Variants in SLC27A4 observed in about 807,000 individuals in gnomAD.
SLC27A4 encodes the protein solute carrier family 27 member 4, also known as long-chain fatty acid transport protein 4.
A neutral mutation model predicts 64.4 loss-of-function variants in SLC27A4; 33 were observed. The observed-to-expected ratio is 0.51, with a 90% CI of 0.39 to 0.68. The LOEUF (loss-of-function observed/expected upper bound fraction) is 0.68. Ranked by LOEUF, SLC27A4 falls within the 30% of genes least tolerant of loss-of-function variation. SLC27A4 has a pLI of 0.00. For missense variants in SLC27A4, 824 were observed against 883.5 expected, an observed-to-expected ratio of 0.93 and a Z score of 0.85; for synonymous variants, 377 against 370.0, an observed-to-expected ratio of 1.02 and a Z score of -0.22.
chr9:128,348,876 G>A (rs914594626), intron 4 of SLC27A4, among the ~76,000 whole-genome samples, 173 bp downstream of exon 4: 1 of 152,180 alleles, frequency 6.6e-6, no homozygotes, highest in African/African-American at 2.4e-5. Context: ...CCACTCCAGG[G>A]TTACTGTGAA....
Position 128,340,799 on chromosome 9 carries a change from C to A in SLC27A4, c.-46C>A. The A allele has an allele frequency of 1.5e-6, 1 of 688,272 alleles. No homozygotes were observed. 42.6% of individuals were successfully genotyped at this position (688,272 alleles called of 1,614,324 possible). ...GCTGTCTACGCTGCTGCAACCGGGC[C>A]GCATCTGGACGGGGCGCCGCGCGGC... On this transcript the variant is annotated 5_prime_UTR_variant, in exon 1 of 13. Coordinates refer to ENST00000300456, the MANE Select transcript of SLC27A4 (RefSeq NM_005094.4).
At chr9:128,351,920 C>G (rs1352496406) in intron 6 of SLC27A4, among the ~76,000 whole-genome samples, 1 of 151,750 alleles carries the variant, frequency 6.6e-6, no homozygotes, top group Non-Finnish European at 1.5e-5. Context: ...GGTGTGGTGG[C>G]TCACGCCTGT....
At chr9:128,356,542 G>A (rs1422292612) in intron 12 of SLC27A4, among the ~76,000 whole-genome samples, 1 of 152,266 alleles carries the variant, frequency 6.6e-6, no homozygotes, top group African/African-American at 2.4e-5. Context: ...GCTCATGCCT[G>A]TAATCCCGGC....
Position 128,352,651 on chromosome 9 carries a change from A to T in SLC27A4, c.891A>T (p.Gly297=). The part of the protein sequence containing the change: ...PLYHSAGNIV[G]IGQCLLHGMT... ...CTCTGCCTCCAGGAAACATCGTGGG[A>T]ATCGGCCAGTGCCTGCTGCATGGCA... The change falls in exon 7 of 13, where the codon GGA becomes GGT. Residue 297 remains glycine, a synonymous_variant. Coordinates refer to ENST00000300456, the MANE Select transcript of SLC27A4 (RefSeq NM_005094.4). 1 of 1,614,070 alleles carries T rather than the reference A, an allele frequency of 6.2e-7. No individual in the cohort carries two copies. Among genetic ancestry groups the T allele is most frequent in the Non-Finnish European group, 8.5e-7 (1 of 1,179,898 alleles).
chr9:128,344,169 A>C (rs78867704), intron 2 of SLC27A4, among the ~76,000 whole-genome samples: 5,970 of 152,216 alleles, frequency 0.039, 153 homozygotes, highest in Middle Eastern at 0.075. Context: ...GAGGCGCCTT[A>C]GTGGTGGTGG....
In SLC27A4 at chr9:128,355,807, C is replaced by A. The variant is rs1224096762; in HGVS notation, c.1774+11C>A. ...AGCTGCACAAAACAGGTGTGTCCCT[C>A]CCCTGCTCCAGCTCTCGGATCCCAG... On this transcript the variant is annotated intron_variant, in intron 12 of 12. Coordinates refer to ENST00000300456, the MANE Select transcript of SLC27A4 (RefSeq NM_005094.4). 2 of 1,612,644 alleles carry A rather than the reference C, an allele frequency of 1.2e-6. No homozygotes were observed. Among genetic ancestry groups the A allele is most frequent in the Non-Finnish European group, 8.5e-7 (1 of 1,180,020 alleles).
intron 6 of SLC27A4, among the ~76,000 whole-genome samples, chr9:128,352,353 G>A (rs916443901): frequency 6.6e-6 from 1 of 152,174 alleles, no homozygotes; most frequent in African/African-American, 2.4e-5. Context: ...GGGCTTAAGG[G>A]AAGACAGCTT....
chr9:128,353,009 C>G lies in SLC27A4; in HGVS notation c.988-16C>G, dbSNP rs770440425. 6.2e-7 allele frequency: 1 copy of G among 1,607,878 alleles called. No individual in the cohort carries two copies. Among genetic ancestry groups the G allele is most frequent in the Admixed American group, 1.7e-5 (1 of 59,504 alleles). ...GCAGCCTCTGGAGCCTCGAATCACA[C>G]CAAGTTCACCCCCAGATTGTGCAGT... On this transcript the variant is annotated splice_polypyrimidine_tract_variant and intron_variant, in intron 7 of 12. Coordinates refer to ENST00000300456, the MANE Select transcript of SLC27A4 (RefSeq NM_005094.4). The surrounding 1 kb of genome is among the most constrained non-coding windows in gnomAD (Gnocchi z 4.9).
At chr9:128,355,348 G>A in intron 10 of SLC27A4, 50 bp from the exon 11 acceptor site, 1 of 1,611,084 alleles carries the variant, frequency 6.2e-7, no homozygotes, top group Non-Finnish European at 8.5e-7. Flanking sequence ...CTTGAGCCCT[G>A]GTCTCAGAGC....
chr9:128,360,848 A>C lies in SLC27A4; in HGVS notation c.*357A>C. The C allele has an allele frequency of 3.1e-6, 1 of 326,674 alleles. No individual in the cohort carries two copies. The highest frequency in any genetic ancestry group is 4.4e-5 in the Admixed American group (1 of 22,646). The allele number at this position is 326,674 out of a possible 1,614,324, so 20.2% of individuals were successfully genotyped here. ...AGCTTATAAATGGAACCAGAGCAGA[A>C]GTCCCCAGACTCAGGAAGTCAACAG... is the stretch of plus-strand genomic sequence containing the variant. On this transcript the variant is annotated 3_prime_UTR_variant, in exon 13 of 13. Transcript: ENST00000300456.
At chr9:128,355,337 GCTTGAGCCCTGGT>G (rs964082756) in intron 10 of SLC27A4, 48 bp from the exon 11 acceptor site, 1 of 1,609,412 alleles carries the variant, frequency 6.2e-7, no homozygotes, top group Non-Finnish European at 8.5e-7. Context: ...AGCCTCCCTG[GCTTGAGCCCTGGT>G]CTCAGAGCTG....
rs757475140 is a variant in SLC27A4 at position 128,355,477 on chromosome 9, G to C, written c.1542G>C (p.Glu514Asp). The C allele has an allele frequency of 6.2e-7, 1 of 1,613,102 alleles. No homozygotes were observed. Among genetic ancestry groups the C allele is most frequent in the Non-Finnish European group, 8.5e-7 (1 of 1,179,720 alleles). Residue 514 changes from glutamate to aspartate, a missense_variant, in exon 11 of 13, where the codon GAG becomes GAC. Transcript: ENST00000300456. Reference sequence around the variant, plus strand: ...GGGACACGTTCCGCTGGAAAGGTGAGAACGTGTCCACCACCGAGGTGGAAG... The same window carrying C: ...GGGACACGTTCCGCTGGAAAGGTGACAACGTGTCCACCACCGAGGTGGAAG... ...RTGDTFRWKG[E>D]NVSTTEVEGT...
rs746552329 is a variant in SLC27A4, at chr9:128,353,001, G to A, written c.988-24G>A. The A allele has an allele frequency of 5.2e-5, 83 of 1,600,694 alleles. No homozygotes were observed. Among genetic ancestry groups the A allele is most frequent in the Non-Finnish European group, 6.6e-5 (77 of 1,171,194 alleles). ...TAGTGAGGGCAGCCTCTGGAGCCTCGAATCACACCAAGTTCACCCCCAGAT... is the reference window on the plus strand; with the variant it reads ...TAGTGAGGGCAGCCTCTGGAGCCTCAAATCACACCAAGTTCACCCCCAGAT... On this transcript the variant is annotated intron_variant, in intron 7 of 12. Coordinates refer to ENST00000300456, the MANE Select transcript of SLC27A4 (RefSeq NM_005094.4). The surrounding 1 kb of genome is among the most constrained non-coding windows in gnomAD (Gnocchi z 4.9).
In SLC27A4 at chr9:128,345,022, C is replaced by T. The variant is rs1384800818; in HGVS notation, c.162-133C>T. ...AGGCAGTGCATGTTCCCAGCAGGAG[C>T]CAGGAGATAGAAGTGTTGTAGGGGG... On this transcript the variant is annotated intron_variant, in intron 2 of 12. Transcript: ENST00000300456. The surrounding 1 kb of genome is among the most constrained non-coding windows in gnomAD (Gnocchi z 4.1). 3 of 1,019,326 alleles carry T rather than the reference C, an allele frequency of 2.9e-6. No individual in the cohort carries two copies. Among genetic ancestry groups the T allele is most frequent in the African/African-American group, 1.6e-5 (1 of 63,152 alleles). The allele number at this position is 1,019,326 out of a possible 1,614,324, so 63.1% of individuals were successfully genotyped here.
chr9:128,355,984 CAT>C (rs1378386037), intron 12 of SLC27A4, among the ~76,000 whole-genome samples, 188 bp downstream of exon 12: 1 of 152,158 alleles, frequency 6.6e-6, no homozygotes, highest in Non-Finnish European at 1.5e-5. Context: ...TAGTAGAACA[CAT>C]ATTAGGTGCC....
rs755169878 is a variant in SLC27A4 at position 128,355,170 on chromosome 9, G to A, written c.1442G>A (p.Gly481Glu). 2 of 1,613,558 alleles carry A rather than the reference G, an allele frequency of 1.2e-6. No homozygotes were observed. The highest frequency in any genetic ancestry group is 2.2e-5 in the East Asian group (1 of 44,884). The stretch of plus-strand genomic sequence containing the variant: ...ATTGCCAAGGATGTCTTCAAGAAGG[G>A]GGACCAGGCCTACCTTACTGGTGGG... Reference protein sequence around the residue: ...KKIAKDVFKKGDQAYLTGDVL... With the variant: ...KKIAKDVFKKEDQAYLTGDVL... Residue 481 changes from glycine to glutamate, a missense_variant, in exon 10 of 13, where the codon GGG (glycine) becomes GAG (glutamate). Physicochemically the swap from Gly to Glu is moderately conservative, Grantham distance 98 (BLOSUM62 -2). Transcript: ENST00000300456.
intron 6 of SLC27A4, among the ~76,000 whole-genome samples, chr9:128,350,922 T>A (rs1056329042): frequency 2.6e-5 from 4 of 152,150 alleles, no homozygotes; most frequent in Non-Finnish European, 5.9e-5. Context: ...TGAAACCCCG[T>A]CTCTACTAAA....
chr9:128,353,111 A>G lies in SLC27A4; in HGVS notation c.1074A>G (p.Ala358=). 6.2e-7 allele frequency: 1 copy of G among 1,614,178 alleles called. No individual in the cohort carries two copies. The highest frequency in any genetic ancestry group is 8.5e-7 in the Non-Finnish European group (1 of 1,180,016). Residue 358 remains alanine, a synonymous_variant, in exon 8 of 13, where the codon GCA becomes GCG. Transcript: ENST00000300456. This position sits in a 1 kb window ranked among gnomAD's most constrained non-coding sequence, Gnocchi z 4.9. The part of the protein sequence containing the change: ...EAENQHQVRM[A]LGNGLRQSIW... Reference sequence around the variant, plus strand: ...AAAACCAGCACCAGGTTCGCATGGCACTAGGCAATGGCCTCCGGCAGTCCA... The same window carrying G: ...AAAACCAGCACCAGGTTCGCATGGCGCTAGGCAATGGCCTCCGGCAGTCCA...
intron 12 of SLC27A4, among the ~76,000 whole-genome samples, chr9:128,356,631 C>T (rs1415270736): frequency 6.6e-6 from 1 of 152,132 alleles, no homozygotes; most frequent in Non-Finnish European, 1.5e-5. Flanking sequence ...TGGCAAAACC[C>T]CGTCTCCACT....
Sources: allele counts gnomAD v4.1 joint callset (sites outside exome capture counted in the v4.1 genomes callset), GRCh38; gene constraint gnomAD v4.1.1; non-coding constraint Gnocchi (gnomAD v3.1); transcripts MANE v1.5; gene names NCBI Gene and HGNC (gene_info 2026-07-23, HGNC 2026-07-21).